The following KITLG variants were observed in gnomAD, a reference collection of about 807,000 sequenced individuals.
KITLG encodes the protein KIT ligand.
KITLG carries 13 observed loss-of-function variants against 34.1 expected under a neutral mutation model. That is an observed-to-expected ratio of 0.38 (90% CI 0.25 to 0.61). The LOEUF (loss-of-function observed/expected upper bound fraction) is 0.61, where lower values mean the gene tolerates loss of function less well. KITLG is among the 20% of genes least tolerant of loss of function. The pLI, the probability that KITLG is intolerant of heterozygous loss-of-function variation, is 0.60. For missense variants in KITLG, 292 were observed against 318.9 expected, an observed-to-expected ratio of 0.92 and a Z score of 0.64; for synonymous variants, 110 against 104.0, an observed-to-expected ratio of 1.06 and a Z score of -0.35.
rs11412362 is a variant in KITLG, at chr12:88,502,907, G to GAA, written c.*37+2250_*37+2251dup. ...GGCTGTCAAGAAGAAGAAAAGGAAG[G>GAA]AAAAAAAAAAGAAAACAGTGAATCT... On this transcript the variant is annotated intron_variant, in intron 9 of 9. Transcript: ENST00000644744. Among the ~76,000 whole-genome samples, 438 of 149,432 alleles carry GAA rather than the reference G, an allele frequency of 2.9e-3. 4 individuals are homozygous for GAA. The highest frequency in any genetic ancestry group is 0.014 in the East Asian group (71 of 5,068).
intron 1 of KITLG, among the ~76,000 whole-genome samples, chr12:88,561,482 T>A (rs1305216500): frequency 6.6e-6 from 1 of 152,190 alleles, no homozygotes; most frequent in African/African-American, 2.4e-5. Context: ...TGTACAACTT[T>A]AGCTTGTGCT....
intron 3 of KITLG, among the ~76,000 whole-genome samples, chr12:88,528,893 T>C (rs2120871249): frequency 6.6e-6 from 1 of 152,326 alleles, no homozygotes; most frequent in East Asian, 1.9e-4. Context: ...CTGATGAATA[T>C]ATACTTTAAG....
intron 2 of KITLG, among the ~76,000 whole-genome samples, chr12:88,544,053 C>T (rs1624014): frequency 0.023 from 3,457 of 152,216 alleles, 127 homozygotes; most frequent in African/African-American, 0.079. Flanking sequence ...AGTGACTGAT[C>T]TCATGGTGCT....
chr12:88,568,157 C>T (rs1319874541), intron 1 of KITLG, among the ~76,000 whole-genome samples: 1 of 152,116 alleles, frequency 6.6e-6, no homozygotes, highest in South Asian at 2.1e-4. Flanking sequence ...AACATCCTTA[C>T]AGACACAGAG....
intron 1 of KITLG, among the ~76,000 whole-genome samples, chr12:88,559,497 CA>C (rs370003857): frequency 1.9e-4 from 29 of 152,094 alleles, no homozygotes; most frequent in African/African-American, 6.0e-4. Flanking sequence ...ACGGCCCTTC[CA>C]AAAATTCCAC....
intron 2 of KITLG, among the ~76,000 whole-genome samples, chr12:88,538,551 GT>G (rs1286537990): frequency 6.6e-6 from 1 of 152,026 alleles, no homozygotes; most frequent in Non-Finnish European, 1.5e-5. Flanking sequence ...TGGGAAGACA[GT>G]TTGGAGCAAA....
At chr12:88,539,910 C>T (rs1193406288) in intron 2 of KITLG, among the ~76,000 whole-genome samples, 1 of 152,002 alleles carries the variant, frequency 6.6e-6, no homozygotes, top group Non-Finnish European at 1.5e-5. Flanking sequence ...GGGTGATAGA[C>T]ACCCTGTCTC....
intron 2 of KITLG, among the ~76,000 whole-genome samples, chr12:88,541,781 A>G (rs1338478867): frequency 2.0e-5 from 3 of 152,186 alleles, no homozygotes; most frequent in Admixed American, 6.6e-5. Context: ...AACCACGGGG[A>G]CCGTGGGGGC....
intron 3 of KITLG, among the ~76,000 whole-genome samples, chr12:88,530,167 G>A (rs2087361646): frequency 6.6e-6 from 1 of 152,164 alleles, no homozygotes; most frequent in African/African-American, 2.4e-5. Flanking sequence ...TGCTGCTGCA[G>A]TCAGGAAGGA....
Position 88,495,809 on chromosome 12 carries a change from T to C in KITLG, c.*1410A>G. On this transcript the variant is annotated 3_prime_UTR_variant, in exon 10 of 10. Coordinates refer to ENST00000644744, the MANE Select transcript of KITLG (RefSeq NM_000899.5). ...ATGGAAAGCTTTGGATTCCTTTATG[T>C]GTACATTCAAGACATGTTAAAAGAA... 6.6e-6 allele frequency: 1 copy of C among 152,174 alleles called. No homozygotes were observed. The highest frequency in any genetic ancestry group is 1.9e-4 in the East Asian group (1 of 5,202). The allele number at this position is 152,174 out of a possible 1,614,324, so 9.4% of individuals were successfully genotyped here.
chr12:88,539,231 G>T (rs1034202526), intron 2 of KITLG, among the ~76,000 whole-genome samples: 2 of 152,060 alleles, frequency 1.3e-5, no homozygotes, highest in Non-Finnish European at 2.9e-5. Flanking sequence ...ATCTTTGCAA[G>T]ACCCTTACTT....
intron 3 of KITLG, among the ~76,000 whole-genome samples, chr12:88,530,100 T>A (rs895951858): frequency 2.0e-5 from 3 of 152,194 alleles, no homozygotes; most frequent in African/African-American, 4.8e-5. Flanking sequence ...CAGTTTAGCA[T>A]TTGTTTTTCA....
chr12:88,498,109 T>A (rs1868711037), intron 9 of KITLG, among the ~76,000 whole-genome samples: 1 of 152,186 alleles, frequency 6.6e-6, no homozygotes, highest in African/African-American at 2.4e-5. Flanking sequence ...TTAAAAAAAA[T>A]ACATATAGAT....
At chr12:88,529,077 A>G (rs1329660076) in intron 3 of KITLG, among the ~76,000 whole-genome samples, 1 of 152,204 alleles carries the variant, frequency 6.6e-6, no homozygotes, top group Non-Finnish European at 1.5e-5. Context: ...ATCATTACAC[A>G]CTGTATGGTT....
At chr12:88,573,272 A>G (rs1871716824) in intron 1 of KITLG, among the ~76,000 whole-genome samples, 1 of 152,156 alleles carries the variant, frequency 6.6e-6, no homozygotes, top group Non-Finnish European at 1.5e-5. Context: ...GGCCTTTATA[A>G]CAAAGCACAC....
At chr12:88,554,003 T>G (rs1871013916) in intron 1 of KITLG, among the ~76,000 whole-genome samples, 1 of 152,176 alleles carries the variant, frequency 6.6e-6, no homozygotes, top group Non-Finnish European at 1.5e-5. Flanking sequence ...ATCAGCAGAC[T>G]CCAGTGGACT....
chr12:88,558,446 G>A (rs777668014), intron 1 of KITLG, among the ~76,000 whole-genome samples: 4 of 152,098 alleles, frequency 2.6e-5, no homozygotes, highest in South Asian at 2.1e-4. Flanking sequence ...CTCAAAGAAC[G>A]TTCACAATCT....
At chr12:88,512,818 C>A (rs1869325244) in intron 6 of KITLG, among the ~76,000 whole-genome samples, 1 of 151,062 alleles carries the variant, frequency 6.6e-6, no homozygotes, top group African/African-American at 2.4e-5. Flanking sequence ...ACATGGAAGA[C>A]AAAACAAAGA....
At chr12:88,524,075 C>T (rs1281050308) in intron 3 of KITLG, among the ~76,000 whole-genome samples, 1 of 152,190 alleles carries the variant, frequency 6.6e-6, no homozygotes, top group Non-Finnish European at 1.5e-5. Context: ...AGTCCCAACT[C>T]TGTCAATTCA....
Sources: gnomAD v4.1 joint callset for allele counts (sites outside exome capture counted in the v4.1 genomes callset) on GRCh38, gnomAD v4.1.1 for gene constraint, MANE v1.5 for transcripts, NCBI Gene and HGNC (gene_info 2026-07-23, HGNC 2026-07-21) for gene names.